The following CHD9 variants were observed in gnomAD, a reference collection of about 807,000 sequenced individuals.
CHD9 encodes chromodomain helicase DNA binding protein 9, also known as ATP-dependent chromatin remodeler CHD9.
A neutral mutation model predicts 316.1 loss-of-function variants in CHD9; 77 were observed. The observed-to-expected ratio is 0.24, with a 90% CI of 0.20 to 0.29. CHD9 has a LOEUF of 0.29. CHD9 is among the 10% of genes least tolerant of loss of function. The pLI, the probability that CHD9 is intolerant of heterozygous loss-of-function variation, is 1.00. For missense variants in CHD9, 2,763 were observed against 3,438.1 expected (o/e 0.80, Z 4.91); for synonymous variants, 1,129 against 1,158.3 (o/e 0.97, Z 0.51).
At chr16:53,197,098 A>G (rs2044992601) in intron 2 of CHD9, among the ~76,000 whole-genome samples, 1 of 152,208 alleles carries the variant, frequency 6.6e-6, no homozygotes, top group South Asian at 2.1e-4. Flanking sequence ...TGTGTTAAAA[A>G]TAAGGGAGTA....
At chr16:53,185,590 TAATC>T (rs1372651623) in intron 2 of CHD9, among the ~76,000 whole-genome samples, 1 of 152,196 alleles carries the variant, frequency 6.6e-6, no homozygotes, top group Non-Finnish European at 1.5e-5. Flanking sequence ...AGTCGAATGT[TAATC>T]AAGACAATGG....
chr16:53,296,927 G>T, intron 29 of CHD9, 29 bp from the exon 30 acceptor site: 2 of 1,531,582 alleles, frequency 1.3e-6, no homozygotes, highest in Non-Finnish European at 1.8e-6. Context: ...GACTAGTGTG[G>T]TTTTTTTCTT....
chr16:53,093,980 C>G (rs1455597114), intron 1 of CHD9, among the ~76,000 whole-genome samples: 1 of 152,178 alleles, frequency 6.6e-6, no homozygotes, highest in Non-Finnish European at 1.5e-5. Context: ...CTGGGCCTAA[C>G]AATGTGTGCC....
intron 2 of CHD9, among the ~76,000 whole-genome samples, chr16:53,198,030 A>C: frequency 6.6e-6 from 1 of 151,952 alleles, no homozygotes; most frequent in East Asian, 1.9e-4. Flanking sequence ...TACATAGCCA[A>C]TTATATTTTC....
At chr16:53,056,715 C>T (rs555802110) in intron 1 of CHD9, among the ~76,000 whole-genome samples, 16 of 152,294 alleles carry the variant, frequency 1.1e-4, no homozygotes, top group African/African-American at 3.9e-4. Context: ...TTGACTCATT[C>T]GCTCATTGGA....
chr16:53,171,861 G>GACAC (rs750572537), intron 2 of CHD9, among the ~76,000 whole-genome samples: 32 of 124,930 alleles, frequency 2.6e-4, no homozygotes, highest in African/African-American at 5.9e-4. Context: ...CACACACACA[G>GACAC]ACACACACAC....
At chr16:53,297,624 G>A (rs1459113512) in intron 30 of CHD9, among the ~76,000 whole-genome samples, 1 of 152,198 alleles carries the variant, frequency 6.6e-6, no homozygotes, top group Non-Finnish European at 1.5e-5. Flanking sequence ...CAGAGGCATT[G>A]ATGCAACTCA....
rs137942599 is a variant in CHD9 at position 53,151,061 on chromosome 16, C to G, written c.-164-4865C>G. ...AATTTCCTCAAATAGTCTTTCTGCC[C>G]TTTTCTCTCTCTCCTTCTTCTGGGA... On this transcript the variant is annotated intron_variant, in intron 1 of 38. Transcript: ENST00000447540. 2.2e-4 allele frequency among the ~76,000 whole-genome samples: 34 copies of G among 152,046 alleles called. No individual in the cohort carries two copies. The East Asian group carries it at 2.3e-3, about 10-fold the overall frequency.
intron 2 of CHD9, among the ~76,000 whole-genome samples, chr16:53,177,498 C>A (rs2043171198): frequency 6.6e-6 from 1 of 152,068 alleles, no homozygotes; most frequent in African/African-American, 2.4e-5. Context: ...CTAGAAGGAG[C>A]CTTAATCATT....
intron 3 of CHD9, among the ~76,000 whole-genome samples, chr16:53,220,578 A>G (rs559415742): frequency 6.6e-6 from 1 of 152,172 alleles, no homozygotes; most frequent in East Asian, 1.9e-4. Context: ...TACAATTCTT[A>G]TATCTTCCAA....
In CHD9 at chr16:53,139,734, A is replaced by G. The variant is rs140969391; in HGVS notation, c.-164-16192A>G. 4.6e-3 allele frequency among the ~76,000 whole-genome samples: 699 copies of G among 152,272 alleles called. 5 individuals are homozygous for G. Among genetic ancestry groups the G allele is most frequent in the African/African-American group, 0.015 (622 of 41,554 alleles). On this transcript the variant is annotated intron_variant, in intron 1 of 38. Transcript: ENST00000447540. The stretch of plus-strand genomic sequence containing the variant: ...CATATTCTTTCGAAATCCTGTGACA[A>G]CTCTGCAAAGTAGATGGTAATGACA...
intron 1 of CHD9, among the ~76,000 whole-genome samples, chr16:53,086,389 G>A (rs879809896): frequency 2.6e-5 from 4 of 152,308 alleles, no homozygotes; most frequent in Admixed American, 1.3e-4. Flanking sequence ...CTGCCTTAGG[G>A]CAGGACTTGA....
At chr16:53,177,017 G>C (rs368915108) in intron 2 of CHD9, among the ~76,000 whole-genome samples, 29 of 152,220 alleles carry the variant, frequency 1.9e-4, no homozygotes, top group African/African-American at 6.0e-4. Flanking sequence ...GTGCAGAGGC[G>C]CCATCTCGGC....
intron 19 of CHD9, among the ~76,000 whole-genome samples, chr16:53,258,096 T>A (rs1465454061): frequency 6.6e-6 from 1 of 152,182 alleles, no homozygotes; most frequent in Admixed American, 6.5e-5. Flanking sequence ...CTTGGCTTCC[T>A]TATTTAACAT....
chr16:53,290,097 A>C (rs1352330337), intron 27 of CHD9, among the ~76,000 whole-genome samples: 1 of 151,922 alleles, frequency 6.6e-6, no homozygotes, highest in Non-Finnish European at 1.5e-5. Flanking sequence ...AACATGGTGA[A>C]ACCCAATCTC....
chr16:53,182,600 G>A (rs1479697190), intron 2 of CHD9, among the ~76,000 whole-genome samples: 1 of 152,086 alleles, frequency 6.6e-6, no homozygotes, highest in Non-Finnish European at 1.5e-5. Flanking sequence ...TATTTCAATA[G>A]TATGTTTGAG....
intron 10 of CHD9, among the ~76,000 whole-genome samples, chr16:53,234,131 A>T (rs1046918811): frequency 6.6e-6 from 1 of 152,168 alleles, no homozygotes; most frequent in East Asian, 1.9e-4. Flanking sequence ...GGATGCTATT[A>T]TAAAATGGTT....
intron 1 of CHD9, among the ~76,000 whole-genome samples, chr16:53,112,397 C>G (rs2037933319): frequency 6.6e-6 from 1 of 152,166 alleles, no homozygotes; most frequent in Non-Finnish European, 1.5e-5. Context: ...AATGTTATTC[C>G]TGGACTTGGC....
rs555389580 is a variant in CHD9 at position 53,091,228 on chromosome 16, G to A, written c.-165+36151G>A. On this transcript the variant is annotated intron_variant, in intron 1 of 38. Transcript: ENST00000447540. ...CCTTCTCCAGCATTCCCCATCCAGT[G>A]GTTGGCTGACAGCATAGAACTGAGC... Among the ~76,000 whole-genome samples, 6 of 152,324 alleles carry A rather than the reference G, an allele frequency of 3.9e-5. No individual in the cohort carries two copies. In the South Asian group the frequency reaches 1.2e-3, roughly 32 times the overall value.
Sources: allele counts gnomAD v4.1 joint callset (sites outside exome capture counted in the v4.1 genomes callset), GRCh38; gene constraint gnomAD v4.1.1; transcripts MANE v1.5; gene names NCBI Gene and HGNC (gene_info 2026-07-23, HGNC 2026-07-21).